The following CTNNA3 variants were observed in gnomAD, a reference collection of about 807,000 sequenced individuals.
The protein encoded by CTNNA3 is catenin alpha-3.
Under a neutral mutation model 95.7 loss-of-function variants are expected in CTNNA3, and 76 were observed. The observed-to-expected ratio is 0.79, with a 90% CI of 0.66 to 0.96. The LOEUF (loss-of-function observed/expected upper bound fraction) is 0.96. Among genes scored for constraint, CTNNA3 ranks in the 40% least tolerant of loss-of-function variants. The probability of loss-of-function intolerance (pLI) is 0.00; values close to 1 mark genes in which losing one functional copy is unlikely to be tolerated. For missense variants in CTNNA3, 1,191 were observed against 1,089.8 expected (o/e 1.09, Z -1.31); for synonymous variants, 431 against 374.4 (o/e 1.15, Z -1.74).
At chr10:66,807,817 T>C (rs7914765) in intron 7 of CTNNA3, among the ~76,000 whole-genome samples, 1,546 of 152,226 alleles carry the variant, frequency 0.01, 25 homozygotes, top group African/African-American at 0.036. Context: ...AGTTTTTATA[T>C]CATCTGATAA....
intron 5 of CTNNA3, among the ~76,000 whole-genome samples, chr10:67,242,965 T>C (rs1001047744): frequency 6.6e-6 from 1 of 152,218 alleles, no homozygotes; most frequent in African/African-American, 2.4e-5. Context: ...TGTCAAAGAC[T>C]TTTCCAGCAT....
chr10:67,591,935 G>A (rs1032089579), intron 3 of CTNNA3, among the ~76,000 whole-genome samples: 2 of 152,042 alleles, frequency 1.3e-5, no homozygotes, highest in African/African-American at 4.8e-5. Flanking sequence ...GACAGGGATG[G>A]GTCCCCAGTG....
intron 17 of CTNNA3, among the ~76,000 whole-genome samples, chr10:65,936,804 G>C (rs2077346608): frequency 6.6e-6 from 1 of 151,906 alleles, no homozygotes; most frequent in Admixed American, 6.6e-5. Flanking sequence ...CTGAAAAACA[G>C]GCATAATAAT....
intron 11 of CTNNA3, among the ~76,000 whole-genome samples, chr10:66,461,396 T>C (rs1247609383): frequency 6.6e-6 from 1 of 152,142 alleles, no homozygotes; most frequent in African/African-American, 2.4e-5. Flanking sequence ...CATTTATTCA[T>C]AGCTATTATA....
intron 9 of CTNNA3, among the ~76,000 whole-genome samples, chr10:66,654,211 TA>T (rs1846000905): frequency 6.6e-6 from 1 of 151,988 alleles, no homozygotes; most frequent in Non-Finnish European, 1.5e-5. Flanking sequence ...ATATATCTGA[TA>T]AGGAGTTAAT....
At chr10:66,807,562 T>C (rs1023471211) in intron 7 of CTNNA3, among the ~76,000 whole-genome samples, 5 of 152,136 alleles carry the variant, frequency 3.3e-5, no homozygotes, top group African/African-American at 1.2e-4. Flanking sequence ...ATTGGACTGT[T>C]ACCTGACAAG....
At chr10:67,217,235 T>C (rs1442290165) in intron 6 of CTNNA3, among the ~76,000 whole-genome samples, 2 of 152,240 alleles carry the variant, frequency 1.3e-5, no homozygotes, top group Non-Finnish European at 2.9e-5. Context: ...CCTTTACCAA[T>C]ACAGCTTCCT....
chr10:67,222,652 A>G (rs1171543743), intron 5 of CTNNA3, among the ~76,000 whole-genome samples: 1 of 152,220 alleles, frequency 6.6e-6, no homozygotes, highest in East Asian at 1.9e-4. Context: ...GAGGATAAAT[A>G]GTTTAATGTT....
chr10:67,237,979 G>C (rs1471512739), intron 5 of CTNNA3, among the ~76,000 whole-genome samples: 3 of 152,132 alleles, frequency 2.0e-5, no homozygotes, highest in African/African-American at 7.2e-5. Context: ...ACAAATGGTA[G>C]GATTTTGGTA....
At chr10:67,558,145 A>C (rs1226134296) in intron 3 of CTNNA3, among the ~76,000 whole-genome samples, 2 of 152,180 alleles carry the variant, frequency 1.3e-5, no homozygotes, top group African/African-American at 4.8e-5. Context: ...TCTCACAGGT[A>C]TGCATCTTTT....
At position 67,108,681 on chromosome 10, in the gene CTNNA3, C is replaced by G. The variant is rs368529579; in HGVS notation, c.1047+71636G>C. 1.5e-4 allele frequency among the ~76,000 whole-genome samples: 23 copies of G among 152,160 alleles called. No individual in the cohort carries two copies. In the South Asian group the frequency reaches 4.6e-3, roughly 30 times the overall value. ...TGCTACTTGAGAAACTTTAGGTTTG[C>G]CATTTATAAAACTCAGGTCTGTCTA... On this transcript the variant is annotated intron_variant, in intron 7 of 17. Coordinates refer to ENST00000433211, the MANE Select transcript of CTNNA3 (RefSeq NM_013266.4).
chr10:67,630,068 A>G (rs1373716192), intron 2 of CTNNA3, among the ~76,000 whole-genome samples: 1 of 152,152 alleles, frequency 6.6e-6, no homozygotes, highest in Non-Finnish European at 1.5e-5. Flanking sequence ...TTGCCAACCT[A>G]TAACTGAGTG....
At chr10:66,749,412 C>T (rs1405901620) in intron 9 of CTNNA3, among the ~76,000 whole-genome samples, 1 of 152,048 alleles carries the variant, frequency 6.6e-6, no homozygotes, top group Non-Finnish European at 1.5e-5. Context: ...TAATCTTTTA[C>T]TGTCCACATA....
At chr10:66,051,938 A>C (rs920472660) in intron 15 of CTNNA3, among the ~76,000 whole-genome samples, 6 of 152,202 alleles carry the variant, frequency 3.9e-5, no homozygotes, top group Non-Finnish European at 7.3e-5. Context: ...CTAATTCAAA[A>C]TTCTTAATGT....
At chr10:66,675,795 A>T (rs1846832443) in intron 9 of CTNNA3, among the ~76,000 whole-genome samples, 1 of 152,104 alleles carries the variant, frequency 6.6e-6, no homozygotes, top group Non-Finnish European at 1.5e-5. Context: ...TTGCCTTCTT[A>T]ATTATATTAT....
chr10:66,452,468 C>T (rs1045776087), intron 11 of CTNNA3, among the ~76,000 whole-genome samples: 10 of 152,166 alleles, frequency 6.6e-5, no homozygotes, highest in Non-Finnish European at 1.3e-4. Context: ...TGCCCTTGCA[C>T]ATTCCTGGGT....
At chr10:67,610,099 T>C (rs538654235) in intron 2 of CTNNA3, among the ~76,000 whole-genome samples, 1 of 152,346 alleles carries the variant, frequency 6.6e-6, no homozygotes, top group East Asian at 1.9e-4. Flanking sequence ...ATAAGTATCA[T>C]TGTCTGAAGT....
chr10:66,039,120 A>T (rs751461367), intron 15 of CTNNA3, among the ~76,000 whole-genome samples: 9 of 152,204 alleles, frequency 5.9e-5, no homozygotes, highest in Non-Finnish European at 1.2e-4. Flanking sequence ...CTGAGAGCCA[A>T]ATCAGGAATG....
At chr10:66,450,214 A>G (rs6480171) in intron 11 of CTNNA3, among the ~76,000 whole-genome samples, 58,154 of 151,868 alleles carry the variant, frequency 0.38, 11,709 homozygotes, top group African/African-American at 0.5. Flanking sequence ...ATGTAATTTA[A>G]ATTTATTTTC....
Sources: allele counts gnomAD v4.1 joint callset (sites outside exome capture counted in the v4.1 genomes callset), GRCh38; gene constraint gnomAD v4.1.1; transcripts MANE v1.5; gene names NCBI Gene and HGNC (gene_info 2026-07-23, HGNC 2026-07-21).